The following SERGEF variants were observed in gnomAD, a reference collection of about 807,000 sequenced individuals.
SERGEF encodes secretion-regulating guanine nucleotide exchange factor.
SERGEF carries 51 observed loss-of-function variants against 50.0 expected under a neutral mutation model. That is an observed-to-expected ratio of 1.02 (90% confidence interval 0.81 to 1.29). The LOEUF (loss-of-function observed/expected upper bound fraction) is 1.29, where lower values mean the gene tolerates loss of function less well. SERGEF is among the 50% of genes most tolerant of loss of function. SERGEF has a pLI of 0.00. For synonymous variants in SERGEF, 205 were observed against 212.4 expected (o/e 0.97, Z 0.30); for missense variants, 521 against 557.0 (o/e 0.94, Z 0.65).
chr11:18,006,145 G>A (rs1355073903), intron 3 of SERGEF, among the ~76,000 whole-genome samples: 3 of 152,226 alleles, frequency 2.0e-5, no homozygotes, highest in Admixed American at 1.3e-4. Context: ...GGGAAAATTT[G>A]TGTGTGCTTT....
At chr11:17,850,688 A>G (rs16934754) in intron 10 of SERGEF, among the ~76,000 whole-genome samples, 5,817 of 152,252 alleles carry the variant, frequency 0.038, 384 homozygotes, top group African/African-American at 0.13. Context: ...TAACCAAAAT[A>G]CTGCATTCTT....
chr11:17,832,402 G>A (rs1472098481), intron 10 of SERGEF, among the ~76,000 whole-genome samples: 1 of 152,180 alleles, frequency 6.6e-6, no homozygotes, highest in Non-Finnish European at 1.5e-5. Context: ...CAGCCACGTG[G>A]AACTGTAAGT....
chr11:17,943,726 G>C (rs1852602653), intron 9 of SERGEF, among the ~76,000 whole-genome samples: 1 of 152,062 alleles, frequency 6.6e-6, no homozygotes, highest in Non-Finnish European at 1.5e-5. Flanking sequence ...TGCTTTAGCT[G>C]CATCCCACAA....
intron 10 of SERGEF, among the ~76,000 whole-genome samples, chr11:17,835,771 A>G (rs182135588): frequency 8.5e-5 from 13 of 152,288 alleles, no homozygotes; most frequent in Admixed American, 8.5e-4. Flanking sequence ...GTTTAATATA[A>G]CTTAATACAT....
intron 9 of SERGEF, among the ~76,000 whole-genome samples, chr11:17,880,538 T>C (rs1308353923): frequency 1.3e-5 from 2 of 152,166 alleles, no homozygotes; most frequent in South Asian, 2.1e-4. Flanking sequence ...CTCAACTCTA[T>C]AATAAAGCAT....
chr11:17,943,991 G>A (rs367769545), intron 9 of SERGEF, among the ~76,000 whole-genome samples: 9 of 152,096 alleles, frequency 5.9e-5, no homozygotes, highest in East Asian at 1.9e-4. Context: ...GCAGTGGTGC[G>A]ATCTCAGCTC....
chr11:17,952,629 C>G (rs1214567597), intron 9 of SERGEF, among the ~76,000 whole-genome samples: 2 of 152,172 alleles, frequency 1.3e-5, no homozygotes, highest in Non-Finnish European at 2.9e-5. Flanking sequence ...AGTAACCAAT[C>G]TCTCTATTCA....
chr11:17,791,280 C>T (rs1435109563), intron 10 of SERGEF, among the ~76,000 whole-genome samples: 4 of 152,118 alleles, frequency 2.6e-5, no homozygotes, highest in Admixed American at 2.6e-4. Flanking sequence ...AAATTAGATT[C>T]TTAGAATGGG....
chr11:17,792,754 A>G (rs1437910905), intron 10 of SERGEF, among the ~76,000 whole-genome samples: 1 of 152,212 alleles, frequency 6.6e-6, no homozygotes, highest in Non-Finnish European at 1.5e-5. Context: ...CAGAGGCTCT[A>G]GAATCCAGGC....
At chr11:17,848,911 G>A (rs560020712) in intron 10 of SERGEF, among the ~76,000 whole-genome samples, 1 of 152,294 alleles carries the variant, frequency 6.6e-6, no homozygotes, top group African/African-American at 2.4e-5. Flanking sequence ...GAGGTTCCAT[G>A]TCTTGTCCAG....
intron 10 of SERGEF, among the ~76,000 whole-genome samples, chr11:17,822,802 C>A (rs556823277): frequency 1.3e-5 from 2 of 152,194 alleles, no homozygotes; most frequent in Non-Finnish European, 2.9e-5. Flanking sequence ...GTCATACCAT[C>A]AGTGAGGAGG....
At chr11:17,846,511 C>T in intron 10 of SERGEF, 1 of 361,062 alleles carries the variant, frequency 2.8e-6, no homozygotes, top group South Asian at 2.1e-5. Flanking sequence ...ATGGAGAACA[C>T]CATCTTTGTA....
chr11:17,978,175 G>GT (rs1285465231), intron 8 of SERGEF, among the ~76,000 whole-genome samples: 1 of 152,070 alleles, frequency 6.6e-6, no homozygotes, highest in East Asian at 1.9e-4. Flanking sequence ...GGCTACAGCA[G>GT]TATTACCCTC....
chr11:17,793,481 A>C (rs538402569), intron 10 of SERGEF, among the ~76,000 whole-genome samples: 7 of 152,316 alleles, frequency 4.6e-5, no homozygotes, highest in Admixed American at 3.3e-4. Context: ...GGCACAATGA[A>C]GCTGGCAAGG....
chr11:17,797,636 G>A (rs1426985566), intron 10 of SERGEF, among the ~76,000 whole-genome samples: 1 of 152,074 alleles, frequency 6.6e-6, no homozygotes, highest in Non-Finnish European at 1.5e-5. Flanking sequence ...AGCTCTTTGA[G>A]AGTTAGGTAC....
intron 9 of SERGEF, among the ~76,000 whole-genome samples, chr11:17,923,363 A>G (rs1255398229): frequency 2.0e-5 from 3 of 152,248 alleles, no homozygotes; most frequent in Non-Finnish European, 1.5e-5. Flanking sequence ...ACTCGGTGCC[A>G]GAGGGCCCAA....
chr11:17,844,926 C>CAA lies in SERGEF; in HGVS notation c.1048+33280_1048+33281dup, dbSNP rs201388563. On this transcript the variant is annotated intron_variant, in intron 10 of 10. Coordinates refer to ENST00000265965, the MANE Select transcript of SERGEF (RefSeq NM_012139.4). ...AAAAAAACAAAACAAAACAAACAAA[C>CAA]AAAAAAAACAGAACAAAAAACCCCT... Among the ~76,000 whole-genome samples, 350 of 150,468 alleles carry CAA rather than the reference C, an allele frequency of 2.3e-3. 1 individual carries two copies. The highest frequency in any genetic ancestry group is 8.1e-3 in the African/African-American group (331 of 40,914).
chr11:17,931,383 C>T (rs866249087), intron 9 of SERGEF, among the ~76,000 whole-genome samples: 7 of 152,122 alleles, frequency 4.6e-5, no homozygotes, highest in South Asian at 4.1e-4. Flanking sequence ...CATTCATAAC[C>T]CAGAACCTTT....
chr11:17,879,567 C>A (rs72873837), intron 9 of SERGEF, among the ~76,000 whole-genome samples: 9,309 of 152,178 alleles, frequency 0.061, 381 homozygotes, highest in Middle Eastern at 0.19. Context: ...TTTTTAAATT[C>A]ATGTATGAGT....
Sources: allele counts gnomAD v4.1 joint callset (sites outside exome capture counted in the v4.1 genomes callset), GRCh38; gene constraint gnomAD v4.1.1; transcripts MANE v1.5; gene names NCBI Gene and HGNC (gene_info 2026-07-23, HGNC 2026-07-21).